ART5: variants seen among roughly 807,000 people sequenced by gnomAD.
ART5 encodes ADP-ribosyltransferase 5.
Under a neutral mutation model 25.0 loss-of-function variants are expected in ART5, and 22 were observed. The ratio of observed to expected loss-of-function variants is 0.88; its 90% CI spans 0.63 to 1.26. ART5 has a LOEUF of 1.26. ART5 is among the 50% of genes most tolerant of loss of function. The pLI is 0.00. For synonymous variants in ART5, 161 were observed against 154.8 expected (o/e 1.04, Z -0.30); for missense variants, 402 against 372.8 (o/e 1.08, Z -0.64).
chr11:3,641,494 G>A (rs936139154), intron 1 of ART5, among the ~76,000 whole-genome samples: 9 of 152,148 alleles, frequency 5.9e-5, no homozygotes, highest in African/African-American at 1.9e-4. Flanking sequence ...TGGTTGGGAC[G>A]GGCTGCCAGG....
upstream of ART5, chr11:3,642,339 C>T (rs1303883130): frequency 1.7e-5 from 17 of 987,798 alleles, no homozygotes; most frequent in Admixed American, 5.5e-5. Flanking sequence ...GCGCCGCACG[C>T]GGGGCCGGGA....
chr11:3,641,726 G>A (rs924798809), intron 1 of ART5, 80 bp downstream of exon 1: 3 of 1,541,308 alleles, frequency 1.9e-6, no homozygotes, highest in East Asian at 2.5e-5. Flanking sequence ...AGGGATGTGA[G>A]GAGTCAGCCC....
In ART5 at chr11:3,638,663, T is replaced by C; in HGVS notation, c.*75A>G. 2 of 1,575,234 alleles carry C rather than the reference T, an allele frequency of 1.3e-6. No individual in the cohort carries two copies. Among genetic ancestry groups the C allele is most frequent in the Non-Finnish European group, 1.7e-6 (2 of 1,145,302 alleles). On this transcript the variant is annotated 3_prime_UTR_variant, in exon 4 of 4. Coordinates refer to ENST00000397068, the MANE Select transcript of ART5 (RefSeq NM_053017.5). ...CATAGCAGAGTTCCCTCAGCCCTGC[T>C]GTGGCCTCCCCAGGCCAACATCCTG...
intron 3 of ART5, 42 bp from the exon 4 acceptor site, chr11:3,638,835 A>G (rs1450399809): frequency 6.2e-7 from 1 of 1,614,062 alleles, no homozygotes; most frequent in Admixed American, 1.7e-5. Flanking sequence ...AACCCCTGAG[A>G]GCTGGAACTC....
upstream of ART5, chr11:3,642,171 G>T (rs1011228578): frequency 3.6e-5 from 45 of 1,265,908 alleles, no homozygotes; most frequent in Non-Finnish European, 4.4e-5. Context: ...GGGGGCGGAG[G>T]ACCCACTTGA....
rs1589909289 is a variant in ART5, at chr11:3,641,919, G to A, written c.-57C>T. The stretch of plus-strand genomic sequence containing the variant: ...GGTGAGGGCGGGACCAGAGGTGCTG[G>A]AGTCCTGGTTTCGAGGGGCTGGAGG... On this transcript the variant is annotated 5_prime_UTR_variant, in exon 1 of 4. Coordinates refer to ENST00000397068, the MANE Select transcript of ART5 (RefSeq NM_053017.5). 1 of 1,544,782 alleles carries A rather than the reference G, an allele frequency of 6.5e-7. No homozygotes were observed.
In ART5 at chr11:3,640,058, T is replaced by C. The variant is rs754710318; in HGVS notation, c.371A>G (p.Tyr124Cys). ...GGCCTTGAAGGGAAAGTGCCTCATG[T>C]AGAGCTCCCGGGAGCCTCCGCCCGT... ...VRTGGGSREL[Y>C]MRHFPFKALH... The change falls in exon 2 of 4, where the codon TAC (tyrosine) becomes TGC (cysteine). Residue 124 changes from tyrosine (Y) to cysteine (C), a missense_variant. Physicochemically the swap from Tyr to Cys is radical, Grantham distance 194. Coordinates refer to ENST00000397068, the MANE Select transcript of ART5 (RefSeq NM_053017.5). 37 of 1,614,064 alleles carry C rather than the reference T, an allele frequency of 2.3e-5. No individual in the cohort carries two copies. The highest frequency in any genetic ancestry group is 3.1e-5 in the Non-Finnish European group (37 of 1,180,060).
chr11:3,639,608 A>C (rs1002004094), intron 2 of ART5, 34 bp downstream of exon 2: 5 of 1,566,034 alleles, frequency 3.2e-6, no homozygotes, highest in Non-Finnish European at 4.3e-6. Flanking sequence ...TTTCACCCAC[A>C]CTGCCAGTCC....
intron 1 of ART5, 117 bp downstream of exon 1, chr11:3,641,689 G>A (rs576449716): frequency 1.3e-6 from 2 of 1,495,882 alleles, no homozygotes; most frequent in African/African-American, 2.8e-5. Context: ...AGTTAAGAGT[G>A]GAATCCTAGG....
At position 3,640,281 on chromosome 11, in the gene ART5, C is replaced by A. The variant is rs1565029818; in HGVS notation, c.148G>T (p.Ala50Ser). ...VGCAEEMEEK[A>S]APLLKEEMAH... ...ATTTCCTCCTTTAGCAGGGGGGCTG[C>A]CTTCTCCTCCATCTCCTCTGCACAA... is the stretch of plus-strand genomic sequence containing the variant. The change falls in exon 2 of 4, where the codon GCA becomes TCA. Residue 50 changes from alanine (A) to serine (S), a missense_variant. By Grantham distance (99) the Ala-to-Ser change is moderately conservative (BLOSUM62 1). Transcript: ENST00000397068. 4.3e-6 allele frequency: 7 copies of A among 1,613,434 alleles called. No homozygotes were observed. Among genetic ancestry groups the A allele is most frequent in the Non-Finnish European group, 5.1e-6 (6 of 1,180,030 alleles).
upstream of ART5, chr11:3,642,376 G>C (rs576538552): frequency 2.6e-6 from 2 of 761,224 alleles, no homozygotes; most frequent in Non-Finnish European, 3.2e-6. Context: ...AGGGACTGAG[G>C]AGCAATTCCC....
upstream of ART5, chr11:3,642,210 G>A (rs149304187): frequency 0.021 from 24,111 of 1,154,984 alleles, 275 homozygotes; most frequent in Non-Finnish European, 0.024. Flanking sequence ...GCGGGAGGGA[G>A]CGCCGAGGGC....
At chr11:3,641,376 A>G (rs1472642237) in intron 1 of ART5, among the ~76,000 whole-genome samples, 1 of 152,114 alleles carries the variant, frequency 6.6e-6, no homozygotes, top group Non-Finnish European at 1.5e-5. Flanking sequence ...AAGCCCTTGC[A>G]GGTAGGTGCT....
chr11:3,642,241 C>G (rs1043280592), upstream of ART5: 4 of 1,103,952 alleles, frequency 3.6e-6, no homozygotes, highest in Admixed American at 9.1e-5. Flanking sequence ...GCTGCGCTGT[C>G]CCCGGAGGAG....
chr11:3,638,822 CCCAACCCCTGAGAGCTGG>C, intron 3 of ART5, 29 bp from the exon 4 acceptor site: 1 of 1,614,124 alleles, frequency 6.2e-7, no homozygotes, highest in Non-Finnish European at 8.5e-7. Flanking sequence ...ACTTTCAGGG[CCCAACCCCTGAGAGCTGG>C]AACTCTCCAG....
At position 3,638,761 on chromosome 11, in the gene ART5, T is replaced by C; in HGVS notation, c.853A>G (p.Lys285Glu). 6.2e-7 allele frequency: 1 copy of C among 1,614,118 alleles called. No homozygotes were observed. The highest frequency in any genetic ancestry group is 8.5e-7 in the Non-Finnish European group (1 of 1,180,024). ...TCTCAAGGCTGCTGGAGGTGCCTCT[T>C]CGTCATATGAAGGTCACCCGTTCCC... is the stretch of plus-strand genomic sequence containing the variant. Reference protein sequence around the residue: ...ALGTGDLHMTKRHLQQP With the variant: ...ALGTGDLHMTERHLQQP The change falls in exon 4 of 4, where the codon AAG becomes GAG. Residue 285 changes from lysine (K) to glutamate (E), a missense_variant. Coordinates refer to ENST00000397068, the MANE Select transcript of ART5 (RefSeq NM_053017.5).
At chr11:3,639,569 G>A (rs933420214) in intron 2 of ART5, 73 bp downstream of exon 2, 7 of 1,520,200 alleles carry the variant, frequency 4.6e-6, no homozygotes, top group African/African-American at 1.4e-5. Flanking sequence ...AAGGCCCCGG[G>A]GATTATTGTG....
In ART5 at chr11:3,639,683, T is replaced by C. The variant is rs142871932; in HGVS notation, c.746A>G (p.Tyr249Cys). Reference sequence around the variant, plus strand: ...GTTAAAATGGCTACAGGTCTGATTATAGCTCCAGAGAGTCACCAAGCTCTG... The same window carrying C: ...GTTAAAATGGCTACAGGTCTGATTACAGCTCCAGAGAGTCACCAAGCTCTG... ...GAQSLVTLWSYNQTCSHFNCA... is the reference protein window; with the variant it reads ...GAQSLVTLWSCNQTCSHFNCA... The change falls in exon 2 of 4, where the codon TAT becomes TGT. Residue 249 changes from tyrosine to cysteine, a missense_variant. By Grantham distance (194) the Tyr-to-Cys change is radical (BLOSUM62 -2). Coordinates refer to ENST00000397068, the MANE Select transcript of ART5 (RefSeq NM_053017.5). 4 of 1,613,734 alleles carry C rather than the reference T, an allele frequency of 2.5e-6. No individual in the cohort carries two copies. Among genetic ancestry groups the C allele is most frequent in the Non-Finnish European group, 3.4e-6 (4 of 1,180,028 alleles).
intron 1 of ART5, 107 bp from the exon 2 acceptor site, chr11:3,640,478 CT>C: frequency 7.3e-7 from 1 of 1,374,070 alleles, no homozygotes; most frequent in Non-Finnish European, 9.6e-7. Flanking sequence ...ATTTCTATCC[CT>C]AAATATCAGG....
Sources: allele counts gnomAD v4.1 joint callset (sites outside exome capture counted in the v4.1 genomes callset), GRCh38; gene constraint gnomAD v4.1.1; transcripts MANE v1.5; gene names NCBI Gene and HGNC (gene_info 2026-07-23, HGNC 2026-07-21).